The following SARDH variants were observed in gnomAD, a reference collection of about 807,000 sequenced individuals.
SARDH encodes sarcosine dehydrogenase, also known as sarcosine dehydrogenase, mitochondrial.
Under a neutral mutation model 109.1 loss-of-function variants are expected in SARDH, and 95 were observed. The ratio of observed to expected loss-of-function variants is 0.87; its 90% CI spans 0.74 to 1.03. The LOEUF (loss-of-function observed/expected upper bound fraction) is 1.03, where lower values mean the gene tolerates loss of function less well. Ranked by LOEUF, SARDH falls within the 50% of genes least tolerant of loss-of-function variation. The pLI, the probability that SARDH is intolerant of heterozygous loss-of-function variation, is 0.00. For missense variants in SARDH, 1,267 were observed against 1,287.8 expected, an observed-to-expected ratio of 0.98 and a Z score of 0.25; for synonymous variants, 572 against 534.8, an observed-to-expected ratio of 1.07 and a Z score of -0.96.
chr9:133,694,084 C>G (rs1488009518), intron 15 of SARDH, among the ~76,000 whole-genome samples, 174 bp downstream of exon 15: 1 of 152,232 alleles, frequency 6.6e-6, no homozygotes. Flanking sequence ...GAACAAAGCC[C>G]CCATTTAGCC....
rs191268994 is a variant in SARDH at position 133,702,001 on chromosome 9, G to A, written c.1668+915C>T. On this transcript the variant is annotated intron_variant, in intron 13 of 20. Transcript: ENST00000439388. ...CAGACCCTACCCAAGCCGGACTTGCGACTGGCCTAGAGGCCCCAGGAAGGA... is the reference window on the plus strand; with the variant it reads ...CAGACCCTACCCAAGCCGGACTTGCAACTGGCCTAGAGGCCCCAGGAAGGA... Among the ~76,000 whole-genome samples, 31 of 152,286 alleles carry A rather than the reference G, an allele frequency of 2.0e-4. 1 individual carries two copies. The highest frequency in any genetic ancestry group is 1.5e-3 in the South Asian group (7 of 4,816).
At position 133,696,265 on chromosome 9, in the gene SARDH, C is replaced by T; in HGVS notation, c.1765G>A (p.Ala589Thr). 1 of 1,614,142 alleles carries T rather than the reference C, an allele frequency of 6.2e-7. No individual in the cohort carries two copies. Among genetic ancestry groups the T allele is most frequent in the Non-Finnish European group, 8.5e-7 (1 of 1,180,030 alleles). Residue 589 changes from alanine (A) to threonine (T), a missense_variant, in exon 14 of 21, where the codon GCT (alanine) becomes ACT (threonine). Ala to Thr is a moderately conservative substitution (Grantham distance 58). Transcript: ENST00000439388. ...TCTGCGGAGAAGAGCCAGTCGGCAG[C>T]CTTCCTTGCATCCAGCCCCACCAGG... ...FYLVGLDARKAADWLFSADVS... is the reference protein window; with the variant it reads ...FYLVGLDARKTADWLFSADVS...
At chr9:133,679,483 C>T (rs1039474140) in intron 17 of SARDH, among the ~76,000 whole-genome samples, 1 of 152,252 alleles carries the variant, frequency 6.6e-6, no homozygotes, top group Non-Finnish European at 1.5e-5. Context: ...TCACCGTGCC[C>T]CACGGAGTGC....
chr9:133,667,809 G>A (rs935082322), intron 19 of SARDH, among the ~76,000 whole-genome samples: 1 of 152,140 alleles, frequency 6.6e-6, no homozygotes, highest in Non-Finnish European at 1.5e-5. Context: ...GCTGGAAGGA[G>A]GTTTCGTAAA....
In SARDH at chr9:133,671,701, G is replaced by C; in HGVS notation, c.2164-4C>G. On this transcript the variant is annotated splice_polypyrimidine_tract_variant and splice_region_variant and intron_variant, in intron 17 of 20. Transcript: ENST00000439388. Reference sequence around the variant, plus strand: ...AGGACAGCCGCATGGCTCGGACCTGGGGGACAAGGTCATGGCTTAGATGTG... The same window carrying C: ...AGGACAGCCGCATGGCTCGGACCTGCGGGACAAGGTCATGGCTTAGATGTG... 6.4e-7 allele frequency: 1 copy of C among 1,565,182 alleles called. No individual in the cohort carries two copies. The highest frequency in any genetic ancestry group is 1.7e-4 in the Middle Eastern group (1 of 5,948).
At position 133,663,879 on chromosome 9, in the gene SARDH, G is replaced by T. The variant is rs780782983; in HGVS notation, c.*10C>A. 2.5e-6 allele frequency: 4 copies of T among 1,613,990 alleles called. No homozygotes were observed. The highest frequency in any genetic ancestry group is 2.5e-6 in the Non-Finnish European group (3 of 1,179,918). On this transcript the variant is annotated 3_prime_UTR_variant, in exon 21 of 21. Transcript: ENST00000439388. ...TGGACAGCATGGGATGGGGCATGTGGTCTGAGCCCTCAGTAGATTCCCTTC... is the reference window on the plus strand; with the variant it reads ...TGGACAGCATGGGATGGGGCATGTGTTCTGAGCCCTCAGTAGATTCCCTTC...
chr9:133,703,017 C>G lies in SARDH; in HGVS notation c.1567G>C (p.Asp523His). 1 of 1,613,154 alleles carries G rather than the reference C, an allele frequency of 6.2e-7. No homozygotes were observed. The highest frequency in any genetic ancestry group is 8.5e-7 in the Non-Finnish European group (1 of 1,179,878). ...PRGPAPVLEY[D>H]YYGAYGSRAH... ...CGGCTCCCGTAAGCCCCGTAGTAGT[C>G]GTACTCGAGGACCTGGGAAGAAAAG... The change falls in exon 13 of 21, where the codon GAC (aspartate) becomes CAC (histidine). Residue 523 changes from aspartate to histidine, a missense_variant. Transcript: ENST00000439388.
At chr9:133,684,663 C>T (rs1274599804) in intron 17 of SARDH, among the ~76,000 whole-genome samples, 1 of 152,288 alleles carries the variant, frequency 6.6e-6, no homozygotes, top group African/African-American at 2.4e-5. Flanking sequence ...GGCTCTGGCC[C>T]CCAGGATACA....
At chr9:133,681,037 C>T (rs185743043) in intron 17 of SARDH, among the ~76,000 whole-genome samples, 3 of 152,340 alleles carry the variant, frequency 2.0e-5, no homozygotes, top group East Asian at 3.9e-4. Flanking sequence ...GCGCTAAGGT[C>T]GTCTGTCTTC....
chr9:133,663,264 C>T (rs1251089282), downstream of SARDH, among the ~76,000 whole-genome samples: 1 of 152,256 alleles, frequency 6.6e-6, no homozygotes, highest in Admixed American at 6.5e-5. Context: ...TGCTTCGGCT[C>T]CTCTGTGTTC....
intron 13 of SARDH, among the ~76,000 whole-genome samples, chr9:133,700,784 A>T (rs1831456427): frequency 6.6e-6 from 1 of 152,170 alleles, no homozygotes; most frequent in Non-Finnish European, 1.5e-5. Context: ...TTCCTTCCCC[A>T]GGTTTACAAA....
chr9:133,685,546 C>T (rs1045104314), intron 16 of SARDH, among the ~76,000 whole-genome samples: 5 of 152,174 alleles, frequency 3.3e-5, no homozygotes, highest in East Asian at 1.9e-4. Context: ...TAACGGGACT[C>T]GCGATTCTTA....
chr9:133,723,859 A>T (rs1420863035), intron 6 of SARDH, among the ~76,000 whole-genome samples: 2 of 152,252 alleles, frequency 1.3e-5, no homozygotes, highest in East Asian at 3.8e-4. Context: ...CAGACTTTGT[A>T]AAAAATGTTG....
intron 11 of SARDH, among the ~76,000 whole-genome samples, chr9:133,706,164 T>TCAC (rs1406381285): frequency 3.2e-4 from 49 of 152,328 alleles, no homozygotes; most frequent in African/African-American, 1.2e-3. Flanking sequence ...TCACGCATGT[T>TCAC]CACTGAGCTC....
chr9:133,732,399 T>C (rs776740842), intron 3 of SARDH, 24 bp downstream of exon 3: 14 of 659,806 alleles, frequency 2.1e-5, no homozygotes, highest in Non-Finnish European at 3.3e-5. Context: ...CCCCCCTCCT[T>C]GCCCCCCGCA....
intron 1 of SARDH, among the ~76,000 whole-genome samples, chr9:133,736,540 T>G (rs1259682222): frequency 6.6e-6 from 1 of 152,082 alleles, no homozygotes; most frequent in Non-Finnish European, 1.5e-5. Context: ...GGATTATAGG[T>G]GCATGCCACC....
At position 133,679,049 on chromosome 9, in the gene SARDH, C is replaced by T. The variant is rs191668845; in HGVS notation, c.2163+6144G>A. ...CTTGCCCCAGACAGAAGCAGCAAAC[C>T]CGGGTGGGGGTCGAAGCTTCCCACC... On this transcript the variant is annotated intron_variant, in intron 17 of 20. Transcript: ENST00000439388. 2.4e-3 allele frequency among the ~76,000 whole-genome samples: 360 copies of T among 152,286 alleles called. 1 individual carries two copies. Among genetic ancestry groups the T allele is most frequent in the Middle Eastern group, 0.014 (4 of 294 alleles).
Position 133,708,346 on chromosome 9 carries a change from C to T in SARDH, c.1411G>A (p.Val471Ile), listed in dbSNP as rs1159433177. 13 of 1,613,224 alleles carry T rather than the reference C, an allele frequency of 8.1e-6. No individual in the cohort carries two copies. Among genetic ancestry groups the T allele is most frequent in the East Asian group, 6.7e-5 (3 of 44,886 alleles). Residue 471 changes from valine (V) to isoleucine (I), a missense_variant, in exon 11 of 21, where the codon GTC (valine) becomes ATC (isoleucine). Transcript: ENST00000439388. ...GCCAGCGGCTCATCGTGGGGGAAGA[C>T]GACGGAGTAGTTCTTGGCGTAGGAC... ...HESYAKNYSV[V>I]FPHDEPLAGR... is the part of the protein sequence containing the mutation.
intron 8 of SARDH, among the ~76,000 whole-genome samples, chr9:133,716,808 G>A (rs1381496175): frequency 1.3e-5 from 2 of 152,240 alleles, no homozygotes; most frequent in Non-Finnish European, 2.9e-5. Context: ...CCAAGAACAG[G>A]AGGGAGGCCA....
Sources: allele counts gnomAD v4.1 joint callset (sites outside exome capture counted in the v4.1 genomes callset), GRCh38; gene constraint gnomAD v4.1.1; transcripts MANE v1.5; gene names NCBI Gene and HGNC (gene_info 2026-07-23, HGNC 2026-07-21).